IGFL2: variants seen among roughly 807,000 people sequenced by gnomAD.
IGFL2 encodes the protein insulin growth factor-like family member 2.
IGFL2 carries 7 observed loss-of-function variants against 13.9 expected under a neutral mutation model. The observed-to-expected ratio is 0.51, with a 90% CI of 0.29 to 0.95. The LOEUF is 0.95. Ranked by LOEUF, IGFL2 falls within the 40% of genes least tolerant of loss-of-function variation. The pLI is 0.08. For synonymous variants in IGFL2, 55 were observed against 55.8 expected (o/e 0.99, Z 0.07); for missense variants, 138 against 147.8 (o/e 0.93, Z 0.34).
the IGFL2 span, chr19:46,119,946 TC>T: frequency 4.2e-6 from 1 of 237,676 alleles, no homozygotes; most frequent in Non-Finnish European, 8.2e-6. Context: ...AGTGTTACAG[TC>T]AGTGCTCTTT....
the IGFL2 span, among the ~76,000 whole-genome samples, chr19:46,176,901 G>C: frequency 6.6e-6 from 1 of 152,178 alleles, no homozygotes; most frequent in Admixed American, 6.5e-5. Context: ...AGGCCAAGTT[G>C]GAGGCAATGT....
the IGFL2 span, among the ~76,000 whole-genome samples, chr19:46,183,670 G>A: frequency 1.3e-5 from 2 of 151,894 alleles, no homozygotes; most frequent in African/African-American, 2.4e-5. Context: ...CGAGTAGCTG[G>A]GATTACAGGT....
At chr19:46,080,407 A>T in the IGFL2 span, among the ~76,000 whole-genome samples, 1 of 142,406 alleles carries the variant, frequency 7.0e-6, no homozygotes, top group Non-Finnish European at 1.5e-5. Flanking sequence ...TAAAAAAAAG[A>T]ATAAATTTAA....
the IGFL2 span, among the ~76,000 whole-genome samples, chr19:46,182,342 G>A: frequency 3.6e-3 from 528 of 145,504 alleles, 1 homozygote; most frequent in African/African-American, 0.012. Context: ...ACTCCAGCCT[G>A]GGCAACAGAG....
chr19:46,166,856 C>G, the IGFL2 span, among the ~76,000 whole-genome samples: 2 of 152,234 alleles, frequency 1.3e-5, no homozygotes, highest in Non-Finnish European at 2.9e-5. Context: ...CTCTCTTATT[C>G]GCTGAATAAT....
chr19:46,175,696 AC>A, the IGFL2 span, among the ~76,000 whole-genome samples: 3 of 150,714 alleles, frequency 2.0e-5, no homozygotes, highest in African/African-American at 7.3e-5. Flanking sequence ...CCGCCACCAC[AC>A]CTGGCTAATT....
the IGFL2 span, among the ~76,000 whole-genome samples, chr19:46,131,818 A>T: frequency 6.6e-6 from 1 of 152,156 alleles, no homozygotes; most frequent in Non-Finnish European, 1.5e-5. Flanking sequence ...CTATGCTTGT[A>T]GTCTCAGCTA....
intron 1 of IGFL2, among the ~76,000 whole-genome samples, chr19:46,156,252 C>A (rs1973817879): frequency 6.6e-6 from 1 of 152,218 alleles, no homozygotes. Flanking sequence ...TCTTCCAAAG[C>A]ATAAACCTGG....
At chr19:46,173,734 CACTTT>C in the IGFL2 span, 2 of 152,252 alleles carry the variant, frequency 1.3e-5, no homozygotes, top group Admixed American at 6.5e-5. Flanking sequence ...TTGGGGATCA[CACTTT>C]AACATGAGAG....
the IGFL2 span, chr19:46,210,247 G>C: frequency 6.6e-6 from 1 of 152,068 alleles, no homozygotes; most frequent in Non-Finnish European, 1.5e-5. Flanking sequence ...CCTCAGCCTT[G>C]GTGTTCAAGA....
the IGFL2 span, among the ~76,000 whole-genome samples, chr19:46,200,509 C>CTTTTCTTTTCTTTTCTCTTT: frequency 1.3e-4 from 5 of 37,178 alleles, no homozygotes; most frequent in Admixed American, 4.1e-4. Context: ...CTTTTCTTTT[C>CTTTTCTTTTCTTTTCTCTTT]TCTTTTCTTT....
the IGFL2 span, among the ~76,000 whole-genome samples, chr19:46,108,528 G>A: frequency 6.6e-6 from 1 of 152,162 alleles, no homozygotes; most frequent in Non-Finnish European, 1.5e-5. Flanking sequence ...TAAGGGAGAA[G>A]AAGGAGGAAT....
At chr19:46,098,338 G>C in the IGFL2 span, among the ~76,000 whole-genome samples, 2 of 152,152 alleles carry the variant, frequency 1.3e-5, no homozygotes, top group African/African-American at 2.4e-5. Flanking sequence ...GCTTTTTCCT[G>C]CTTTTCATTT....
chr19:46,129,351 GTC>G, the IGFL2 span, among the ~76,000 whole-genome samples: 40 of 139,922 alleles, frequency 2.9e-4, no homozygotes, highest in African/African-American at 7.6e-4. Flanking sequence ...GTGTGTGTGT[GTC>G]TCTGTCTCCT....
upstream of IGFL2, among the ~76,000 whole-genome samples, chr19:46,142,031 C>T (rs1042763633): frequency 3.9e-5 from 6 of 152,280 alleles, no homozygotes; most frequent in East Asian, 1.2e-3. Context: ...ATAATACTCT[C>T]ATAATTCTCT....
At chr19:46,102,778 G>T in the IGFL2 span, among the ~76,000 whole-genome samples, 2 of 152,130 alleles carry the variant, frequency 1.3e-5, no homozygotes, top group African/African-American at 4.8e-5. Context: ...ATATTAATAA[G>T]AAAAATAGAA....
chr19:46,185,969 G>A, the IGFL2 span, among the ~76,000 whole-genome samples: 3 of 152,184 alleles, frequency 2.0e-5, no homozygotes, highest in African/African-American at 7.2e-5. Context: ...TATGGTGGGC[G>A]TCATCGGCCC....
At chr19:46,136,813 G>A in the IGFL2 span, 131 of 689,038 alleles carry the variant, frequency 1.9e-4, no homozygotes, top group Non-Finnish European at 3.3e-4. Flanking sequence ...ACTAGAAGCT[G>A]AAATCCACTA....
intron 1 of IGFL2, among the ~76,000 whole-genome samples, chr19:46,156,044 T>G (rs1403144025): frequency 6.6e-6 from 1 of 152,186 alleles, no homozygotes; most frequent in East Asian, 1.9e-4. Flanking sequence ...CTTGAACTCC[T>G]GGGATCAAGC....
Sources: gnomAD v4.1 joint callset for allele counts (sites outside exome capture counted in the v4.1 genomes callset) on GRCh38, gnomAD v4.1.1 for gene constraint, MANE v1.5 for transcripts, NCBI Gene and HGNC (gene_info 2026-07-23, HGNC 2026-07-21) for gene names.